ZNF160: variants seen among roughly 807,000 people sequenced by gnomAD.
ZNF160 encodes zinc finger protein 160.
In ZNF160, 9 loss-of-function variants were observed where a neutral mutation model predicts 13.1. That is an observed-to-expected ratio of 0.69 (90% CI 0.41 to 1.20). The LOEUF (loss-of-function observed/expected upper bound fraction) is 1.20, where lower values mean the gene tolerates loss of function less well. Ranked by LOEUF, ZNF160 falls within the 50% of genes most tolerant of loss-of-function variation. The probability of loss-of-function intolerance (pLI) is 0.01; values close to 1 mark genes in which losing one functional copy is unlikely to be tolerated. For missense variants in ZNF160, 838 were observed against 988.0 expected, an observed-to-expected ratio of 0.85 and a Z score of 2.04; for synonymous variants, 293 against 333.2, an observed-to-expected ratio of 0.88 and a Z score of 1.31.
In ZNF160 at chr19:53,069,274, A is replaced by G; in HGVS notation, c.1260T>C (p.Thr420=). ...CATTACATTTGTAAGGTTTTTCTCC[A>G]GTGTGGATTGTCTGATGGATTGCTA... The part of the protein sequence containing the change: ...SSLAIHQTIH[T]GEKPYKCNEC... The change falls in exon 6 of 6, where the codon ACT becomes ACC. Residue 420 remains threonine (T), a synonymous_variant. Transcript: ENST00000683776. This position sits in a 1 kb window ranked among gnomAD's most constrained non-coding sequence, Gnocchi z 4.4. 1 of 1,612,460 alleles carries G rather than the reference A, an allele frequency of 6.2e-7. No individual in the cohort carries two copies. Among genetic ancestry groups the G allele is most frequent in the Non-Finnish European group, 8.5e-7 (1 of 1,178,842 alleles).
chr19:53,097,573 G>A (rs531007350), intron 1 of ZNF160, among the ~76,000 whole-genome samples: 4 of 152,262 alleles, frequency 2.6e-5, no homozygotes, highest in South Asian at 2.1e-4. Context: ...CCAGGGCAAC[G>A]TATTTCCACT....
chr19:53,079,130 G>C (rs961552439), intron 3 of ZNF160, among the ~76,000 whole-genome samples: 2 of 152,174 alleles, frequency 1.3e-5, no homozygotes, highest in Admixed American at 1.3e-4. Context: ...GGGAAGACAA[G>C]AGTGGTTCAA....
At chr19:53,075,644 C>A in intron 3 of ZNF160, 1 of 471,460 alleles carries the variant, frequency 2.1e-6, no homozygotes, top group South Asian at 1.5e-5. Flanking sequence ...TGAGAGAATA[C>A]ATCCCAGCTC....
At chr19:53,080,695 C>T (rs2084597837) in intron 3 of ZNF160, among the ~76,000 whole-genome samples, 1 of 152,206 alleles carries the variant, frequency 6.6e-6, no homozygotes, top group South Asian at 2.1e-4. Flanking sequence ...TGACCAACAT[C>T]ACTTTTCACA....
chr19:53,094,615 A>T (rs921653495), intron 1 of ZNF160, among the ~76,000 whole-genome samples: 1 of 152,136 alleles, frequency 6.6e-6, no homozygotes, highest in Non-Finnish European at 1.5e-5. Context: ...ATGTAAGAGT[A>T]AAAAAACCTT....
In ZNF160 at chr19:53,068,516, C is replaced by T; in HGVS notation, c.2018G>A (p.Gly673Glu). 1 of 1,613,890 alleles carries T rather than the reference C, an allele frequency of 6.2e-7. No homozygotes were observed. The highest frequency in any genetic ancestry group is 8.5e-7 in the Non-Finnish European group (1 of 1,179,830). The change falls in exon 6 of 6, where the codon GGA becomes GAA. Residue 673 changes from glycine (G) to glutamate (E), a missense_variant. By Grantham distance (98) the Gly-to-Glu change is moderately conservative. This residue lies in a region of ZNF160 where 400 missense variants were observed against 538.9 expected (regional missense o/e 0.74). Coordinates refer to ENST00000683776, the MANE Select transcript of ZNF160 (RefSeq NM_001322131.2). ...NLTTHKVIHT[G>E]EKPYKCNQCG... Reference sequence around the variant, plus strand: ...TTGATTACATTTGTAAGGCTTCTCTCCAGTATGGATGACCTTATGGGTAGT... The same window carrying T: ...TTGATTACATTTGTAAGGCTTCTCTTCAGTATGGATGACCTTATGGGTAGT...
At chr19:53,091,111 A>T (rs2085018682) in intron 2 of ZNF160, 1 of 152,250 alleles carries the variant, frequency 6.6e-6, no homozygotes, top group African/African-American at 2.4e-5. Flanking sequence ...CTGTAATCCC[A>T]GCCGAAGCGG....
chr19:53,092,620 C>T (rs2085079106), intron 1 of ZNF160, among the ~76,000 whole-genome samples: 1 of 152,098 alleles, frequency 6.6e-6, no homozygotes, highest in Admixed American at 6.6e-5. Flanking sequence ...GCTGGATATT[C>T]TCCTTCATAT....
chr19:53,100,395 G>A (rs1363470901), intron 1 of ZNF160, among the ~76,000 whole-genome samples: 1 of 148,776 alleles, frequency 6.7e-6, no homozygotes, highest in Non-Finnish European at 1.5e-5. Context: ...TGGATCACGA[G>A]GTCAGGAGAT....
intron 1 of ZNF160, 110 bp from the exon 2 acceptor site, chr19:53,091,830 TCAG>T (rs1669017061): frequency 6.6e-6 from 1 of 152,264 alleles, no homozygotes; most frequent in South Asian, 2.1e-4. Context: ...TTCATGCTGA[TCAG>T]CAGAACCTCC....
chr19:53,102,950 G>A (rs917618200), intron 1 of ZNF160, among the ~76,000 whole-genome samples: 6 of 152,114 alleles, frequency 3.9e-5, no homozygotes, highest in African/African-American at 7.2e-5. Flanking sequence ...GACAGGGGTG[G>A]GATGTGCAGG....
chr19:53,077,725 A>G (rs1387306877), intron 3 of ZNF160, among the ~76,000 whole-genome samples: 1 of 151,228 alleles, frequency 6.6e-6, no homozygotes, highest in Non-Finnish European at 1.5e-5. Flanking sequence ...ATGCAGCAAC[A>G]TATTAAATCA....
chr19:53,098,396 G>C (rs10407043), intron 1 of ZNF160, among the ~76,000 whole-genome samples: 1 of 149,438 alleles, frequency 6.7e-6, no homozygotes, highest in Admixed American at 6.7e-5. Flanking sequence ...CAAGCGATGC[G>C]GCAGGAATGG....
rs1267777809 is a variant in ZNF160, at chr19:53,068,653, GC to G, written c.1880del (p.Gly627AlafsTer38). The G allele has an allele frequency of 6.2e-7, 1 of 1,613,772 alleles. No homozygotes were observed. Among genetic ancestry groups the G allele is most frequent in the East Asian group, 2.2e-5 (1 of 44,822 alleles). ...GEKPYKCHEC[G>X]KVFRHNSYLA... is the part of the protein sequence containing the mutation. ...GGTATGAATTGTGCCTAAAAACCTTGCCGCATTCATGACATTTGTAAGGTTT... is the reference window on the plus strand; with the variant it reads ...GGTATGAATTGTGCCTAAAAACCTTGCGCATTCATGACATTTGTAAGGTTT... On this transcript the variant is annotated frameshift_variant, in exon 6 of 6. Transcript: ENST00000683776. LOFTEE classifies it low-confidence loss of function (END_TRUNC).
intron 1 of ZNF160, among the ~76,000 whole-genome samples, chr19:53,101,423 AAT>A (rs35223076): frequency 1.3e-5 from 2 of 149,124 alleles, no homozygotes; most frequent in East Asian, 1.9e-4. Context: ...CCATTTTGAA[AAT>A]ATATATATTA....
At chr19:53,092,299 G>A (rs1007730558) in intron 1 of ZNF160, among the ~76,000 whole-genome samples, 21 of 152,052 alleles carry the variant, frequency 1.4e-4, no homozygotes, top group African/African-American at 4.3e-4. Flanking sequence ...GATTTTAAGC[G>A]TATTTGATAG....
chr19:53,089,942 C>T (rs2084972918), intron 2 of ZNF160, among the ~76,000 whole-genome samples: 1 of 152,032 alleles, frequency 6.6e-6, no homozygotes, highest in Non-Finnish European at 1.5e-5. Context: ...ATTCCTACAA[C>T]TTCTTCCACC....
Position 53,094,391 on chromosome 19 carries a change from G to A in ZNF160, c.-353-2671C>T, listed in dbSNP as rs115778245. Among the ~76,000 whole-genome samples the A allele has an allele frequency of 4.2e-3, 633 of 152,090 alleles. 6 individuals are homozygous for A. The highest frequency in any genetic ancestry group is 0.015 in the African/African-American group (603 of 41,474). Reference sequence around the variant, plus strand: ...CAGCACAAGTAGAAATTTCACCTTCGTTTCATCCTCTAAACAGACAAATCA... The same window carrying A: ...CAGCACAAGTAGAAATTTCACCTTCATTTCATCCTCTAAACAGACAAATCA... On this transcript the variant is annotated intron_variant, in intron 1 of 5. Transcript: ENST00000683776.
chr19:53,094,583 T>C (rs1438277820), intron 1 of ZNF160, among the ~76,000 whole-genome samples: 2 of 152,094 alleles, frequency 1.3e-5, no homozygotes, highest in Non-Finnish European at 2.9e-5. Context: ...ACAAAATGAG[T>C]TTTTCACTTA....
Sources: gnomAD v4.1 joint callset for allele counts (sites outside exome capture counted in the v4.1 genomes callset) on GRCh38, gnomAD v4.1.1 for gene constraint, gnomAD v4.1.1 regional missense constraint, Gnocchi (gnomAD v3.1) non-coding constraint, MANE v1.5 for transcripts, NCBI Gene and HGNC (gene_info 2026-07-23, HGNC 2026-07-21) for gene names.